The following SH3KBP1 variants were observed in gnomAD, a reference collection of about 807,000 sequenced individuals.
SH3KBP1 encodes the protein SH3 domain-containing kinase-binding protein 1.
SH3KBP1 carries 8 observed loss-of-function variants against 50.1 expected under a neutral mutation model. That is an observed-to-expected ratio of 0.16 (90% CI 0.09 to 0.29). SH3KBP1 has a LOEUF of 0.29. Among genes scored for constraint, SH3KBP1 ranks in the 10% least tolerant of loss-of-function variants. The pLI is 1.00. For missense variants in SH3KBP1, 377 were observed against 535.2 expected, an observed-to-expected ratio of 0.70 and a Z score of 2.92; for synonymous variants, 227 against 218.6, an observed-to-expected ratio of 1.04 and a Z score of -0.34.
chrX:19,811,543 T>A lies in SH3KBP1; in HGVS notation c.162+24582A>T, dbSNP rs143560158. 5.8e-3 allele frequency among the ~76,000 whole-genome samples: 650 copies of A among 112,516 alleles called. 1 individual carries two copies. Among genetic ancestry groups the A allele is most frequent in the South Asian group, 9.9e-3 (27 of 2,739 alleles). On this transcript the variant is annotated intron_variant, in intron 2 of 17. Transcript: ENST00000397821. ...CATGTCCAGCTTTGCTAAGAATATG[T>A]TCACATGTTAATACTTCATCAATTC...
At chrX:19,872,362 G>T (rs1469529870) in intron 1 of SH3KBP1, among the ~76,000 whole-genome samples, 1 of 110,120 alleles carries the variant, frequency 9.1e-6, no homozygotes, top group Non-Finnish European at 1.9e-5. Context: ...ACCTTTCACT[G>T]TGTATCCTCT....
chrX:19,664,652 G>A (rs1883998362), intron 6 of SH3KBP1: 1 of 111,984 alleles, frequency 8.9e-6, no homozygotes, highest in African/African-American at 3.3e-5. Context: ...TCACTGGAAA[G>A]TACAGCAAGG....
At chrX:19,566,074 G>C (rs1235956570) in intron 13 of SH3KBP1, among the ~76,000 whole-genome samples, 1 of 110,057 alleles carries the variant, frequency 9.1e-6, no homozygotes, top group East Asian at 2.9e-4. Flanking sequence ...CCAGGAGTTA[G>C]AGGCTGCAGT....
In SH3KBP1 at chrX:19,595,014, A is replaced by G; in HGVS notation, c.1006-14T>C. 8.7e-7 allele frequency: 1 copy of G among 1,146,990 alleles called. No individual in the cohort carries two copies. Among genetic ancestry groups the G allele is most frequent in the Non-Finnish European group, 1.2e-6 (1 of 836,404 alleles). The allele number at this position is 1,146,990 out of a possible 1,213,427, so 94.5% of individuals were successfully genotyped here. A position where few individuals can be genotyped will look rare whatever the true frequency, so the allele number is the denominator to read the frequency against. ...CTTCTTGGGTCTCTGAAAAATTAAT[A>G]AAAATTATACCACATGAGATTGTTG... is the stretch of plus-strand genomic sequence containing the variant. On this transcript the variant is annotated splice_polypyrimidine_tract_variant and intron_variant, in intron 9 of 17. Coordinates refer to ENST00000397821, the MANE Select transcript of SH3KBP1 (RefSeq NM_031892.3).
chrX:19,763,397 A>C (rs2065491572), intron 2 of SH3KBP1, among the ~76,000 whole-genome samples: 1 of 112,690 alleles, frequency 8.9e-6, no homozygotes, highest in East Asian at 2.8e-4. Context: ...GTAAAAAATA[A>C]GGTTGAACAG....
At chrX:19,756,700 A>G (rs761686693) in intron 2 of SH3KBP1, among the ~76,000 whole-genome samples, 7 of 111,334 alleles carry the variant, frequency 6.3e-5, no homozygotes, top group Non-Finnish European at 1.3e-4. Flanking sequence ...CATATGTACA[A>G]GATTAATCGT....
intron 1 of SH3KBP1, among the ~76,000 whole-genome samples, chrX:19,853,516 G>A (rs1253682971): frequency 9.0e-6 from 1 of 111,465 alleles, no homozygotes; most frequent in Admixed American, 9.5e-5. Context: ...GCGAGGATAT[G>A]TGCAGGGAGC....
At chrX:19,773,888 AATC>A (rs1374448667) in intron 2 of SH3KBP1, among the ~76,000 whole-genome samples, 1 of 99,886 alleles carries the variant, frequency 1.0e-5, no homozygotes, top group Non-Finnish European at 2.0e-5. Context: ...AAAAAAAAAG[AATC>A]ATCATTTTTC....
intron 6 of SH3KBP1, among the ~76,000 whole-genome samples, chrX:19,672,541 CCAAT>C (rs1454059417): frequency 8.9e-6 from 1 of 112,205 alleles, no homozygotes; most frequent in Non-Finnish European, 1.9e-5. Flanking sequence ...ACCCACGACT[CCAAT>C]CTACTCATGA....
intron 2 of SH3KBP1, among the ~76,000 whole-genome samples, chrX:19,823,471 T>C (rs1395689041): frequency 8.9e-6 from 1 of 112,003 alleles, no homozygotes; most frequent in Non-Finnish European, 1.9e-5. Context: ...CAAGGTCTAC[T>C]CTCTGCTCCT....
intron 1 of SH3KBP1, among the ~76,000 whole-genome samples, chrX:19,841,240 C>A (rs764899907): frequency 1.8e-5 from 2 of 111,541 alleles, no homozygotes; most frequent in African/African-American, 6.5e-5. Context: ...TTCCTGTCTC[C>A]TAGGACCAGT....
At chrX:19,697,867 T>G (rs2063456413) in intron 4 of SH3KBP1, among the ~76,000 whole-genome samples, 1 of 111,962 alleles carries the variant, frequency 8.9e-6, no homozygotes, top group South Asian at 3.7e-4. Context: ...TAAGGAAACT[T>G]GTAGGATACA....
chrX:19,724,450 G>A (rs1247774792), intron 3 of SH3KBP1, among the ~76,000 whole-genome samples: 1 of 112,051 alleles, frequency 8.9e-6, no homozygotes, highest in African/African-American at 3.2e-5. Flanking sequence ...GCAGGAATTC[G>A]GTTTTTCTAA....
intron 6 of SH3KBP1, among the ~76,000 whole-genome samples, chrX:19,665,068 T>G (rs1398796576): frequency 1.8e-5 from 2 of 111,679 alleles, no homozygotes; most frequent in African/African-American, 6.5e-5. Flanking sequence ...CCCAAGAAGT[T>G]CCAGAAAAGC....
At chrX:19,550,124 G>A in intron 13 of SH3KBP1, 41 bp from the exon 14 acceptor site, 1 of 871,708 alleles carries the variant, frequency 1.1e-6, no homozygotes. Context: ...CAAAATAGGA[G>A]CAAAGACTCT....
Position 19,550,065 on chromosome X carries a change from G to T in SH3KBP1, c.1403C>A (p.Ser468Tyr), listed in dbSNP as rs2065195674. The change falls in exon 14 of 18, where the codon TCC (serine) becomes TAC (tyrosine). Residue 468 changes from serine (S) to tyrosine (Y), a missense_variant. Coordinates refer to ENST00000397821, the MANE Select transcript of SH3KBP1 (RefSeq NM_031892.3). ...GAGTTTCTCAGTAGATGATACCACG[G>T]AGTCAAAACCTTCTAAGTCTAAAAC... is the stretch of plus-strand genomic sequence containing the variant. ...SNDIDLEGFD[S>Y]VVSSTEKLSH... 1 of 1,203,846 alleles carries T rather than the reference G, an allele frequency of 8.3e-7. No individual in the cohort carries two copies. Among genetic ancestry groups the T allele is most frequent in the Non-Finnish European group, 1.1e-6 (1 of 890,730 alleles).
intron 9 of SH3KBP1, among the ~76,000 whole-genome samples, chrX:19,600,890 C>T (rs1299124914): frequency 1.8e-5 from 2 of 111,656 alleles, no homozygotes; most frequent in African/African-American, 6.5e-5. Context: ...CAAGTCATCA[C>T]AGGAGTCCCC....
At chrX:19,776,879 C>T (rs2147089982) in intron 2 of SH3KBP1, among the ~76,000 whole-genome samples, 1 of 109,836 alleles carries the variant, frequency 9.1e-6, no homozygotes, top group African/African-American at 3.3e-5. Flanking sequence ...TAAGCCACTT[C>T]CTCTCTTAGT....
chrX:19,772,685 T>C (rs1454110838), intron 2 of SH3KBP1, among the ~76,000 whole-genome samples: 1 of 111,123 alleles, frequency 9.0e-6, no homozygotes, highest in East Asian at 2.8e-4. Flanking sequence ...GAATATCCCA[T>C]GGAGATGGGC....
Sources: allele counts gnomAD v4.1 joint callset (sites outside exome capture counted in the v4.1 genomes callset), GRCh38; gene constraint gnomAD v4.1.1; transcripts MANE v1.5; gene names NCBI Gene and HGNC (gene_info 2026-07-23, HGNC 2026-07-21).